DLC1: variants seen among roughly 807,000 people sequenced by gnomAD.
The protein encoded by DLC1 is DLC1 Rho GTPase activating protein.
A neutral mutation model predicts 140.3 loss-of-function variants in DLC1; 54 were observed. That is an observed-to-expected ratio of 0.38 (90% CI 0.31 to 0.48). The LOEUF is 0.48. Among genes scored for constraint, DLC1 ranks in the 20% least tolerant of loss-of-function variants. DLC1 has a pLI of 0.96. For missense variants in DLC1, 2,536 were observed against 1,907.0 expected (o/e 1.33, Z -6.14); for synonymous variants, 986 against 728.1 (o/e 1.35, Z -5.70).
Position 13,401,679 on chromosome 8 carries a change from A to C in DLC1, c.1024-60T>G, listed in dbSNP as rs916516841. 3 of 1,567,744 alleles carry C rather than the reference A, an allele frequency of 1.9e-6. No individual in the cohort carries two copies. In the African/African-American group the frequency reaches 4.1e-5, roughly 21 times the overall value. On this transcript the variant is annotated intron_variant, in intron 2 of 17. Coordinates refer to ENST00000276297, the MANE Select transcript of DLC1 (RefSeq NM_182643.3). ...AGGCCATTTCTTAATAAGAATAAAA[A>C]GTTCCCTGTTCTTCAATGTGACAAA...
At chr8:13,150,013 C>A (rs1031018579) in intron 5 of DLC1, among the ~76,000 whole-genome samples, 1 of 152,224 alleles carries the variant, frequency 6.6e-6, no homozygotes, top group Admixed American at 6.5e-5. Context: ...GCCAGTATTA[C>A]ATCAGCCATT....
intron 2 of DLC1, among the ~76,000 whole-genome samples, chr8:13,446,475 A>G (rs1798780705): frequency 6.6e-6 from 1 of 152,124 alleles, no homozygotes; most frequent in Admixed American, 6.5e-5. Context: ...TTATTTAGTC[A>G]TGACTAAGTT....
chr8:13,541,798 C>G (rs183757737), intron 1 of DLC1, among the ~76,000 whole-genome samples: 4 of 152,322 alleles, frequency 2.6e-5, no homozygotes, highest in African/African-American at 7.2e-5. Context: ...ATCCGCCTGC[C>G]TCGGCCTCCC....
At chr8:13,186,978 C>T (rs771711924) in intron 5 of DLC1, among the ~76,000 whole-genome samples, 22 of 152,292 alleles carry the variant, frequency 1.4e-4, no homozygotes, top group African/African-American at 4.6e-4. Flanking sequence ...GTATCACCAG[C>T]GGAGGCTACA....
chr8:13,392,002 G>GT (rs1836785090), intron 4 of DLC1, among the ~76,000 whole-genome samples: 1 of 151,716 alleles, frequency 6.6e-6, no homozygotes, highest in African/African-American at 2.4e-5. Flanking sequence ...TCAGAATATG[G>GT]TAAAATGAGA....
At chr8:13,507,305 T>G (rs1394669443) in intron 1 of DLC1, among the ~76,000 whole-genome samples, 1 of 152,172 alleles carries the variant, frequency 6.6e-6, no homozygotes, top group South Asian at 2.1e-4. Context: ...CCAGGGAAGA[T>G]ATTATGTTTC....
intron 1 of DLC1, among the ~76,000 whole-genome samples, chr8:13,579,315 T>TTTTA (rs1487346725): frequency 3.4e-3 from 36 of 10,664 alleles, no homozygotes; most frequent in African/African-American, 6.9e-3. Context: ...AGGTCTGACT[T>TTTTA]TATATATATA....
In DLC1 at chr8:13,538,573, G is replaced by T. The variant is rs553650012; in HGVS notation, c.-125-38377C>A. The stretch of plus-strand genomic sequence containing the variant: ...GTTGTGAGTCTTTACCCAGTTAAGT[G>T]AGGAGTTTACTCTATCTGGGTATGT... On this transcript the variant is annotated intron_variant, in intron 1 of 1. Transcript: ENST00000631382. Among the ~76,000 whole-genome samples, 4 of 152,276 alleles carry T rather than the reference G, an allele frequency of 2.6e-5. No individual in the cohort carries two copies. The South Asian group carries it at 8.3e-4, about 32-fold the overall frequency.
chr8:13,222,808 A>G (rs1828620373), intron 5 of DLC1, among the ~76,000 whole-genome samples: 1 of 152,096 alleles, frequency 6.6e-6, no homozygotes, highest in South Asian at 2.1e-4. Flanking sequence ...CAGCGATGCA[A>G]TCATAGCTCA....
rs1449646937 is a variant in DLC1 at position 13,392,829 on chromosome 8, A to C, written c.1314+724T>G. On this transcript the variant is annotated intron_variant, in intron 4 of 17. Transcript: ENST00000276297. ...TTTCGTGGTGTATTATTCCATGTGG[A>C]ATAAGTTTTAATAGCATTGTAAAGT... Among the ~76,000 whole-genome samples the C allele has an allele frequency of 7.6e-5, 3 of 39,408 alleles. No individual in the cohort carries two copies. In the East Asian group the frequency reaches 0.013, roughly 171 times the overall value. The allele number at this position is 39,408 out of a possible 152,430, so 25.9% of individuals were successfully genotyped here.
At chr8:13,477,424 A>G (rs1003633538) in intron 2 of DLC1, among the ~76,000 whole-genome samples, 1 of 152,214 alleles carries the variant, frequency 6.6e-6, no homozygotes, top group Non-Finnish European at 1.5e-5. Flanking sequence ...ACGGATGTAC[A>G]TTGTATTTCT....
intron 2 of DLC1, among the ~76,000 whole-genome samples, chr8:13,489,272 T>G (rs1040923216): frequency 2.0e-5 from 3 of 152,102 alleles, no homozygotes; most frequent in Non-Finnish European, 4.4e-5. Context: ...TGATAAAACT[T>G]GATGCCTCAG....
intron 1 of DLC1, among the ~76,000 whole-genome samples, chr8:13,544,315 A>G (rs927184064): frequency 1.3e-5 from 2 of 152,182 alleles, no homozygotes; most frequent in African/African-American, 2.4e-5. Flanking sequence ...AGCAGCCAAA[A>G]TAAACATTTT....
At chr8:13,246,392 A>G (rs1053528013) in intron 5 of DLC1, among the ~76,000 whole-genome samples, 5 of 152,220 alleles carry the variant, frequency 3.3e-5, no homozygotes, top group Non-Finnish European at 7.3e-5. Flanking sequence ...TAAGGTGTCA[A>G]TGATGATACT....
At chr8:13,397,521 A>G (rs1258226893) in intron 3 of DLC1, among the ~76,000 whole-genome samples, 4 of 152,146 alleles carry the variant, frequency 2.6e-5, no homozygotes, top group Admixed American at 6.5e-5. Flanking sequence ...TGATGGCGCA[A>G]TAACCAATAA....
intron 5 of DLC1, among the ~76,000 whole-genome samples, chr8:13,218,799 A>G (rs1478537764): frequency 1.4e-5 from 1 of 71,518 alleles, no homozygotes; most frequent in Admixed American, 1.4e-4. Context: ...ATAAATATAT[A>G]TCATAATTAT....
At chr8:13,141,946 T>G (rs144309716) in intron 5 of DLC1, among the ~76,000 whole-genome samples, 1 of 152,222 alleles carries the variant, frequency 6.6e-6, no homozygotes, top group Non-Finnish European at 1.5e-5. Context: ...CATCTTGAAC[T>G]GTAATCCCCA....
intron 2 of DLC1, among the ~76,000 whole-genome samples, chr8:13,452,787 C>G (rs1799129242): frequency 6.6e-6 from 1 of 152,156 alleles, no homozygotes; most frequent in Admixed American, 6.6e-5. Context: ...AGCATACAAT[C>G]ATACACGCTT....
intron 5 of DLC1, among the ~76,000 whole-genome samples, chr8:13,130,949 C>G (rs1324787479): frequency 6.6e-6 from 1 of 152,224 alleles, no homozygotes; most frequent in Non-Finnish European, 1.5e-5. Flanking sequence ...AAGTATGCAT[C>G]TGCGCTCAGG....
Sources: gnomAD v4.1 joint callset for allele counts (sites outside exome capture counted in the v4.1 genomes callset) on GRCh38, gnomAD v4.1.1 for gene constraint, MANE v1.5 for transcripts, NCBI Gene and HGNC (gene_info 2026-07-23, HGNC 2026-07-21) for gene names.